Variants in DNAH14 observed in about 807,000 individuals in gnomAD.
The protein encoded by DNAH14 is axonemal beta dynein heavy chain 14.
A neutral mutation model predicts 520.9 loss-of-function variants in DNAH14; 478 were observed. That is an observed-to-expected ratio of 0.92 (90% confidence interval 0.85 to 0.99). DNAH14 has a LOEUF of 0.99. Ranked by LOEUF, DNAH14 falls within the 50% of genes least tolerant of loss-of-function variation. The probability of loss-of-function intolerance (pLI) is 0.00; values close to 1 mark genes in which losing one functional copy is unlikely to be tolerated. For missense variants in DNAH14, 4,831 were observed against 5,234.5 expected, an observed-to-expected ratio of 0.92 and a Z score of 2.38; for synonymous variants, 1,581 against 1,757.2, an observed-to-expected ratio of 0.90 and a Z score of 2.51.
At chr1:225,347,715 AG>A (rs1329596463) in intron 71 of DNAH14, among the ~76,000 whole-genome samples, 1 of 152,166 alleles carries the variant, frequency 6.6e-6, no homozygotes, top group African/African-American at 2.4e-5. Context: ...CTGATTGGTG[AG>A]GGTTTTCCCC....
chr1:225,074,116 C>T (rs1433574878), intron 17 of DNAH14, among the ~76,000 whole-genome samples: 1 of 150,032 alleles, frequency 6.7e-6, no homozygotes, highest in Non-Finnish European at 1.5e-5. Flanking sequence ...TCTCCTGCCT[C>T]AGCCTCCCAA....
At chr1:225,079,166 GAA>G in intron 17 of DNAH14, 39 bp from the exon 18 acceptor site, 1 of 1,482,798 alleles carries the variant, frequency 6.7e-7, no homozygotes, top group Non-Finnish European at 9.0e-7. Flanking sequence ...CCAAAATGAT[GAA>G]AAGTCATTAC....
At chr1:225,095,936 C>T (rs890897477) in intron 21 of DNAH14, among the ~76,000 whole-genome samples, 11 of 152,000 alleles carry the variant, frequency 7.2e-5, no homozygotes, top group African/African-American at 2.4e-4. Context: ...ACAGGTAGAA[C>T]ATGTTAAAAT....
intron 46 of DNAH14, among the ~76,000 whole-genome samples, chr1:225,261,464 T>C (rs1037423062): frequency 5.3e-5 from 8 of 152,182 alleles, no homozygotes; most frequent in Non-Finnish European, 1.0e-4. Context: ...TGTTGAATCA[T>C]ACATGAAATT....
intron 73 of DNAH14, chr1:225,357,717 TG>T: frequency 1.5e-6 from 1 of 689,234 alleles, no homozygotes; most frequent in Non-Finnish European, 2.6e-6. Flanking sequence ...TGACAGTTTT[TG>T]AAAGGTAAAA....
chr1:225,021,871 G>A (rs945844481), intron 10 of DNAH14, among the ~76,000 whole-genome samples: 1 of 152,058 alleles, frequency 6.6e-6, no homozygotes, highest in Non-Finnish European at 1.5e-5. Flanking sequence ...CACATTACCC[G>A]ACTTCAAACT....
At chr1:225,062,070 G>A (rs543443540) in intron 17 of DNAH14, among the ~76,000 whole-genome samples, 52 of 13,288 alleles carry the variant, frequency 3.9e-3, no homozygotes, top group South Asian at 6.8e-3. Context: ...AGGCCGAGGC[G>A]GATGGAATGC....
chr1:224,943,687 A>G (rs2059588348), intron 1 of DNAH14, among the ~76,000 whole-genome samples: 1 of 152,016 alleles, frequency 6.6e-6, no homozygotes, highest in African/African-American at 2.4e-5. Flanking sequence ...AGATTCTGGT[A>G]TGTTATGTCT....
chr1:224,966,221 TAAG>T (rs751951166), intron 5 of DNAH14, among the ~76,000 whole-genome samples: 8 of 151,998 alleles, frequency 5.3e-5, no homozygotes, highest in African/African-American at 9.7e-5. Flanking sequence ...GAAGCTGAAA[TAAG>T]AAAGTGAAAC....
chr1:225,305,714 A>G (rs1044227663), intron 58 of DNAH14, among the ~76,000 whole-genome samples: 3 of 152,182 alleles, frequency 2.0e-5, no homozygotes, highest in Non-Finnish European at 4.4e-5. Flanking sequence ...AGCCTTGTCT[A>G]TATAACCTAT....
At chr1:225,071,949 CA>C (rs1364080690) in intron 17 of DNAH14, among the ~76,000 whole-genome samples, 1 of 152,174 alleles carries the variant, frequency 6.6e-6, no homozygotes, top group Non-Finnish European at 1.5e-5. Flanking sequence ...TGGGTGGGGA[CA>C]CAGCCAAACC....
At chr1:225,049,047 A>ATTTTTT (rs71170051) in intron 15 of DNAH14, among the ~76,000 whole-genome samples, 7 of 56,306 alleles carry the variant, frequency 1.2e-4, no homozygotes, top group African/African-American at 5.8e-4. Context: ...TCTCTTGCCT[A>ATTTTTT]TTTTTTTTTT....
In DNAH14 at chr1:225,324,361, T is replaced by C. The variant is rs1425574062; in HGVS notation, c.9627+8T>C. 1.3e-6 allele frequency: 2 copies of C among 1,550,372 alleles called. No homozygotes were observed. The highest frequency in any genetic ancestry group is 3.9e-5 in the Admixed American group (2 of 50,726). On this transcript the variant is annotated splice_region_variant and intron_variant, in intron 63 of 85. Coordinates refer to ENST00000682510, the MANE Select transcript of DNAH14 (RefSeq NM_001367479.1). ...TACCATGAAGTACAGAAGGTATGCT[T>C]TTCCTCCTAAACATCTGTCATGATT...
At position 225,051,614 on chromosome 1, in the gene DNAH14, A is replaced by G; in HGVS notation, c.2243A>G (p.Asn748Ser). Residue 748 changes from asparagine (N) to serine (S), a missense_variant, in exon 17 of 86, where the codon AAT becomes AGT. Coordinates refer to ENST00000682510, the MANE Select transcript of DNAH14 (RefSeq NM_001367479.1). ...TCAAAAGAATTTGAAGCTATTCTAA[A>G]TAGATTCAGAAACTATTTTAGACAT... ...LTSKEFEAIL[N>S]RFRNYFRHIV... The G allele has an allele frequency of 2.6e-6, 4 of 1,551,030 alleles. No homozygotes were observed. Among genetic ancestry groups the G allele is most frequent in the Non-Finnish European group, 3.5e-6 (4 of 1,146,646 alleles).
chr1:224,992,937 C>A (rs778748839), intron 8 of DNAH14, among the ~76,000 whole-genome samples: 1 of 152,046 alleles, frequency 6.6e-6, no homozygotes, highest in Admixed American at 6.6e-5. Flanking sequence ...TTATTAAATG[C>A]TTTTTCTGCA....
intron 37 of DNAH14, among the ~76,000 whole-genome samples, chr1:225,186,177 A>G (rs1209785535): frequency 6.7e-6 from 1 of 149,768 alleles, no homozygotes; most frequent in Non-Finnish European, 1.5e-5. Flanking sequence ...TATTGTTGGT[A>G]ACATATTCCA....
In DNAH14 at chr1:225,012,130, T is replaced by G. The variant is rs543378072; in HGVS notation, c.1107+4586T>G. 2.6e-5 allele frequency among the ~76,000 whole-genome samples: 4 copies of G among 152,318 alleles called. No individual in the cohort carries two copies. In the East Asian group the frequency reaches 7.7e-4, roughly 29 times the overall value. ...TATTTAGTGCTTCTTTCAGGAGCTC[T>G]TATAAGGCAGGCCTGGTGGTGACAA... is the stretch of plus-strand genomic sequence containing the variant. On this transcript the variant is annotated intron_variant, in intron 10 of 85. Coordinates refer to ENST00000682510, the MANE Select transcript of DNAH14 (RefSeq NM_001367479.1).
In DNAH14 at chr1:225,258,011, T is replaced by A. The variant is rs566569441; in HGVS notation, c.6917T>A (p.Ile2306Lys). 3 of 1,549,902 alleles carry A rather than the reference T, an allele frequency of 1.9e-6. No homozygotes were observed. The highest frequency in any genetic ancestry group is 2.7e-5 in the African/African-American group (2 of 73,052). The change falls in exon 45 of 86, where the codon ATA becomes AAA. Residue 2306 changes from isoleucine to lysine, a missense_variant. Ile to Lys is a moderately radical substitution (Grantham distance 102, BLOSUM62 -3). Transcript: ENST00000682510. Reference sequence around the variant, plus strand: ...AGATCTGGCGGAAACTTCTTGAAGATAACAGAATGTGGAGAATGCATTAAT... The same window carrying A: ...AGATCTGGCGGAAACTTCTTGAAGAAAACAGAATGTGGAGAATGCATTAAT... Reference protein sequence around the residue: ...LQRSGGNFLKITECGECINYT... With the variant: ...LQRSGGNFLKKTECGECINYT...
chr1:225,004,967 A>G (rs985565834), intron 9 of DNAH14, among the ~76,000 whole-genome samples: 3 of 152,194 alleles, frequency 2.0e-5, no homozygotes, highest in Admixed American at 2.0e-4. Context: ...AAGGTAAAGA[A>G]CATATGTTCT....
Sources: allele counts gnomAD v4.1 joint callset (sites outside exome capture counted in the v4.1 genomes callset), GRCh38; gene constraint gnomAD v4.1.1; transcripts MANE v1.5; gene names NCBI Gene and HGNC (gene_info 2026-07-23, HGNC 2026-07-21).